Variants in ZNF423 observed in about 807,000 individuals in gnomAD.
ZNF423 encodes the protein zinc finger protein 423, also known as Ebf-associated zinc finger protein.
Under a neutral mutation model 95.8 loss-of-function variants are expected in ZNF423, and 12 were observed. The observed-to-expected ratio is 0.13, with a 90% CI of 0.08 to 0.20. ZNF423 has a LOEUF of 0.20. Ranked by LOEUF, ZNF423 falls within the 10% of genes least tolerant of loss-of-function variation. ZNF423 has a pLI of 1.00. For synonymous variants in ZNF423, 749 were observed against 711.9 expected (o/e 1.05, Z -0.83); for missense variants, 1,316 against 1,737.1 (o/e 0.76, Z 4.31).
rs1050162531 is a variant in ZNF423 at position 49,751,225 on chromosome 16, T to G, written c.101-20254A>C. ...CTCAGCTTGGTCAAATCTTTTATTT[T>G]TGTTGTTGTTGTATGAGACAGGGTC... On this transcript the variant is annotated intron_variant, in intron 2 of 7. Transcript: ENST00000563137. Among the ~76,000 whole-genome samples, 4 of 152,254 alleles carry G rather than the reference T, an allele frequency of 2.6e-5. No homozygotes were observed. The East Asian group carries it at 7.7e-4, about 29-fold the overall frequency.
chr16:49,693,386 T>C (rs1270148613), intron 3 of ZNF423, among the ~76,000 whole-genome samples: 3 of 152,214 alleles, frequency 2.0e-5, no homozygotes, highest in African/African-American at 7.2e-5. Context: ...GAAGGATGCA[T>C]ACGTGGGATT....
At chr16:49,759,896 G>A (rs866080375) in intron 2 of ZNF423, among the ~76,000 whole-genome samples, 2 of 152,032 alleles carry the variant, frequency 1.3e-5, no homozygotes, top group Non-Finnish European at 2.9e-5. Flanking sequence ...GAGAGATTGC[G>A]AGTTGTGGGT....
chr16:49,559,857 C>G (rs2151766583), intron 5 of ZNF423, among the ~76,000 whole-genome samples: 1 of 152,272 alleles, frequency 6.6e-6, no homozygotes, highest in African/African-American at 2.4e-5. Flanking sequence ...CAAGAAAGCC[C>G]ACAGATGTCC....
rs1013944214 is a variant in ZNF423, at chr16:49,635,550, C to T, written c.3516+110G>A. The T allele has an allele frequency of 4.9e-6, 7 of 1,417,778 alleles. No individual in the cohort carries two copies. The highest frequency in any genetic ancestry group is 2.9e-5 in the African/African-American group (2 of 69,334). The allele number at this position is 1,417,778 out of a possible 1,614,324, so 87.8% of individuals were successfully genotyped here. On this transcript the variant is annotated intron_variant, in intron 4 of 7. Coordinates refer to ENST00000563137, the MANE Select transcript of ZNF423 (RefSeq NM_001379286.1). This position sits in a 1 kb window ranked among gnomAD's most constrained non-coding sequence, Gnocchi z 4.8. ...ACAGCAGTTCTGTTTTGCCACTGCG[C>T]GATAGCGCCGCTTCTTGGAAACACG...
intron 3 of ZNF423, among the ~76,000 whole-genome samples, chr16:49,673,672 C>G (rs553835286): frequency 6.6e-6 from 1 of 152,390 alleles, no homozygotes; most frequent in South Asian, 2.1e-4. Context: ...TGTGCAAACA[C>G]GTATGTATGC....
intron 1 of ZNF423, among the ~76,000 whole-genome samples, chr16:49,832,306 T>C (rs565775565): frequency 2.0e-5 from 3 of 152,312 alleles, no homozygotes; most frequent in South Asian, 2.1e-4. Flanking sequence ...GAAAAACAGA[T>C]TCTGAGCTCA....
At chr16:49,838,863 C>G (rs949579928) in intron 1 of ZNF423, among the ~76,000 whole-genome samples, 2 of 151,862 alleles carry the variant, frequency 1.3e-5, no homozygotes, top group Admixed American at 6.6e-5. Context: ...GGAGCCCTCC[C>G]GCGCGGGGGG....
At chr16:49,839,351 C>T (rs1479047156) in intron 1 of ZNF423, among the ~76,000 whole-genome samples, 1 of 152,100 alleles carries the variant, frequency 6.6e-6, no homozygotes, top group Non-Finnish European at 1.5e-5. Context: ...GAGGGGCCGG[C>T]CTCTGAGGTA....
chr16:49,811,724 T>C (rs1181054320), intron 1 of ZNF423, among the ~76,000 whole-genome samples: 1 of 152,046 alleles, frequency 6.6e-6, no homozygotes, highest in Non-Finnish European at 1.5e-5. Flanking sequence ...GGCTCTCTGC[T>C]GCTCCAGGAC....
chr16:49,654,037 C>T (rs8050856), intron 3 of ZNF423, among the ~76,000 whole-genome samples: 63,444 of 152,064 alleles, frequency 0.42, 13,405 homozygotes, highest in East Asian at 0.53. Context: ...GTGACCACTA[C>T]CACCATTAAC....
At chr16:49,611,201 A>G (rs1971709072) in intron 5 of ZNF423, among the ~76,000 whole-genome samples, 1 of 152,102 alleles carries the variant, frequency 6.6e-6, no homozygotes, top group Non-Finnish European at 1.5e-5. Context: ...AACAGAATGC[A>G]CATTTTTTCA....
intron 2 of ZNF423, among the ~76,000 whole-genome samples, chr16:49,752,166 G>A (rs551866936): frequency 2.0e-5 from 3 of 152,336 alleles, no homozygotes; most frequent in South Asian, 2.1e-4. Context: ...CAAAGAATGC[G>A]GGCCACTGTG....
intron 3 of ZNF423, among the ~76,000 whole-genome samples, chr16:49,710,500 ACT>A (rs1302940241): frequency 6.6e-6 from 1 of 152,176 alleles, no homozygotes; most frequent in Non-Finnish European, 1.5e-5. Context: ...TTCAGGGCCG[ACT>A]CTGGCACTTT....
At chr16:49,700,209 A>G (rs986964607) in intron 3 of ZNF423, among the ~76,000 whole-genome samples, 3 of 135,440 alleles carry the variant, frequency 2.2e-5, no homozygotes, top group African/African-American at 9.3e-5. Context: ...AAAAAAAAAA[A>G]AAAAAAAACA....
At chr16:49,508,323 C>A (rs1400876055) in intron 7 of ZNF423, among the ~76,000 whole-genome samples, 1 of 151,950 alleles carries the variant, frequency 6.6e-6, no homozygotes, top group Non-Finnish European at 1.5e-5. Context: ...GAGTTCTAGA[C>A]CAGCCTAGGC....
At chr16:49,755,554 G>C (rs142209897) in intron 2 of ZNF423, among the ~76,000 whole-genome samples, 2 of 152,096 alleles carry the variant, frequency 1.3e-5, no homozygotes, top group Non-Finnish European at 2.9e-5. Flanking sequence ...TTGTGGCTGC[G>C]GTAATTAAGC....
chr16:49,572,586 G>C (rs1970384281), intron 5 of ZNF423, among the ~76,000 whole-genome samples: 1 of 152,186 alleles, frequency 6.6e-6, no homozygotes, highest in Admixed American at 6.5e-5. Flanking sequence ...GCACTGAGGA[G>C]CCCACTGGAG....
chr16:49,539,944 T>C (rs1969191712), intron 5 of ZNF423, among the ~76,000 whole-genome samples: 1 of 152,122 alleles, frequency 6.6e-6, no homozygotes, highest in Admixed American at 6.5e-5. Context: ...CCTGCCTCTG[T>C]CATGCCACAG....
rs148621879 is a variant in ZNF423, at chr16:49,611,370, T to C, written c.3601+14800A>G. ...GAAAGGCAGGAAAGCCTCCAAACAA[T>C]AGAAACTATACGACGTACCTCTAAA... On this transcript the variant is annotated intron_variant, in intron 5 of 7. Transcript: ENST00000563137. 9.2e-4 allele frequency among the ~76,000 whole-genome samples: 140 copies of C among 151,960 alleles called. 1 individual carries two copies. Among genetic ancestry groups the C allele is most frequent in the African/African-American group, 2.8e-3 (117 of 41,506 alleles).
Sources: allele counts gnomAD v4.1 joint callset (sites outside exome capture counted in the v4.1 genomes callset), GRCh38; gene constraint gnomAD v4.1.1; non-coding constraint Gnocchi (gnomAD v3.1); transcripts MANE v1.5; gene names NCBI Gene and HGNC (gene_info 2026-07-23, HGNC 2026-07-21).